The following PSMC4 variants were observed in gnomAD, a reference collection of about 807,000 sequenced individuals.
The protein encoded by PSMC4 is 26S proteasome regulatory subunit 6B.
A neutral mutation model predicts 48.4 loss-of-function variants in PSMC4; 13 were observed. The ratio of observed to expected loss-of-function variants is 0.27; its 90% CI spans 0.18 to 0.43. PSMC4 has a LOEUF of 0.43. PSMC4 is among the 20% of genes least tolerant of loss of function. PSMC4 has a pLI of 1.00. For synonymous variants in PSMC4, 202 were observed against 212.3 expected (o/e 0.95, Z 0.42); for missense variants, 262 against 555.9 (o/e 0.47, Z 5.32).
In PSMC4 at chr19:39,972,229, G is replaced by A; in HGVS notation, c.120G>A (p.Leu40=). ...LGPEPEDLED[L]YSRYKKLQQE... ...CTGAGCCTGAGGACCTGGAGGACCT[G>A]TACAGCCGCTACAAGGTACATTCGA... The change falls in exon 2 of 11, where the codon CTG becomes CTA. Residue 40 remains leucine (L), a synonymous_variant. Transcript: ENST00000157812. 6.2e-7 allele frequency: 1 copy of A among 1,613,914 alleles called. No individual in the cohort carries two copies. Among genetic ancestry groups the A allele is most frequent in the Non-Finnish European group, 8.5e-7 (1 of 1,179,956 alleles).
At chr19:39,978,118 T>C (rs1238117865) in intron 6 of PSMC4, among the ~76,000 whole-genome samples, 1 of 152,192 alleles carries the variant, frequency 6.6e-6, no homozygotes, top group African/African-American at 2.4e-5. Flanking sequence ...AGCCTTTTTT[T>C]CCTCTTGTTT....
Position 39,980,680 on chromosome 19 carries a change from A to C in PSMC4, c.1106A>C (p.Lys369Thr), listed in dbSNP as rs777406855. ...DLEDYVARPD[K>T]ISGADINSIC... ...GCTGCAGATGTGGCCCGGCCAGATA[A>C]GATTTCAGGAGCTGATATTAACTCC... Residue 369 changes from lysine (K) to threonine (T), a missense_variant, in exon 10 of 11, where the codon AAG (lysine) becomes ACG (threonine). Physicochemically the swap from Lys to Thr is moderately conservative, Grantham distance 78 (BLOSUM62 -1). This residue lies in a region of PSMC4 where 84 missense variants were observed against 157.8 expected (regional missense o/e 0.53). Transcript: ENST00000157812. This position sits in a 1 kb window ranked among gnomAD's most constrained non-coding sequence, Gnocchi z 4.8. 3.1e-6 allele frequency: 5 copies of C among 1,614,046 alleles called. No homozygotes were observed. Among genetic ancestry groups the C allele is most frequent in the Non-Finnish European group, 4.2e-6 (5 of 1,179,990 alleles).
chr19:39,979,812 A>G lies in PSMC4; in HGVS notation c.674-5A>G. 6.2e-7 allele frequency: 1 copy of G among 1,611,880 alleles called. No homozygotes were observed. Among genetic ancestry groups the G allele is most frequent in the African/African-American group, 1.3e-5 (1 of 74,946 alleles). ...CCCGCCTAACTGTTGTCATCCTGTC[A>G]TCAGCTGCATTCATCCGGGTCGTGG... On this transcript the variant is annotated splice_polypyrimidine_tract_variant and splice_region_variant and intron_variant, in intron 6 of 10. Transcript: ENST00000157812.
chr19:39,980,606 C>T lies in PSMC4; in HGVS notation c.1088-56C>T, dbSNP rs370960680. ...TGACAGAGATGGCCAAAGATGACTT[C>T]CAGCCCCAGGCATTTACCCCATCAC... On this transcript the variant is annotated intron_variant, in intron 9 of 10. Coordinates refer to ENST00000157812, the MANE Select transcript of PSMC4 (RefSeq NM_006503.4). The surrounding 1 kb of genome is among the most constrained non-coding windows in gnomAD (Gnocchi z 4.8). The T allele has an allele frequency of 6.2e-7, 1 of 1,602,660 alleles. No individual in the cohort carries two copies. Among genetic ancestry groups the T allele is most frequent in the African/African-American group, 1.3e-5 (1 of 74,610 alleles).
rs760882289 is a variant in PSMC4, at chr19:39,974,349, C to G, written c.378C>G (p.Pro126=). ...LSTIDRELLK[P]NASVALHKHS... ...CCATCGATCGGGAGCTGCTCAAGCC[C>G]AACGCCTCAGTGGCCCTCCACAAGC... is the stretch of plus-strand genomic sequence containing the variant. The change falls in exon 4 of 11, where the codon CCC becomes CCG. Residue 126 remains proline, a synonymous_variant. Coordinates refer to ENST00000157812, the MANE Select transcript of PSMC4 (RefSeq NM_006503.4). This position sits in a 1 kb window ranked among gnomAD's most constrained non-coding sequence, Gnocchi z 5.5. 22 of 1,614,048 alleles carry G rather than the reference C, an allele frequency of 1.4e-5. No individual in the cohort carries two copies. The highest frequency in any genetic ancestry group is 4.5e-5 in the East Asian group (2 of 44,888).
At chr19:39,977,573 G>C (rs1341770474) in intron 6 of PSMC4, among the ~76,000 whole-genome samples, 1 of 152,082 alleles carries the variant, frequency 6.6e-6, no homozygotes, top group Non-Finnish European at 1.5e-5. Context: ...TATAATCTCA[G>C]CACTTCAGGA....
At position 39,980,514 on chromosome 19, in the gene PSMC4, C is replaced by T. The variant is rs1452780732; in HGVS notation, c.1087+60C>T. 1 of 1,601,238 alleles carries T rather than the reference C, an allele frequency of 6.2e-7. No individual in the cohort carries two copies. Among genetic ancestry groups the T allele is most frequent in the Non-Finnish European group, 8.5e-7 (1 of 1,169,810 alleles). ...TTGGGAACGGGGATTAGATCTTCAG[C>T]TCAACTTCTGCCAGCACCACAGCCC... is the stretch of plus-strand genomic sequence containing the variant. On this transcript the variant is annotated intron_variant, in intron 9 of 10. Coordinates refer to ENST00000157812, the MANE Select transcript of PSMC4 (RefSeq NM_006503.4). The surrounding 1 kb of genome is among the most constrained non-coding windows in gnomAD (Gnocchi z 4.8).
At position 39,980,303 on chromosome 19, in the gene PSMC4, CAG is replaced by C; in HGVS notation, c.939_940del (p.Arg313SerfsTer17). ...AATGTCAGGTAATCATGGCCACAAA[CAG>C]AGCAGACACCCTGGATCCGGCCCTG... is the stretch of plus-strand genomic sequence containing the variant. ...VNVKVIMATNRADTLDPALLR... is the reference protein window; with the variant it reads ...VNVKVIMATNXADTLDPALLR... On this transcript the variant is annotated frameshift_variant, in exon 9 of 11. Coordinates refer to ENST00000157812, the MANE Select transcript of PSMC4 (RefSeq NM_006503.4). LOFTEE classifies it high-confidence loss of function. This position sits in a 1 kb window ranked among gnomAD's most constrained non-coding sequence, Gnocchi z 4.8. The C allele has an allele frequency of 6.2e-7, 1 of 1,613,990 alleles. No homozygotes were observed. The highest frequency in any genetic ancestry group is 8.5e-7 in the Non-Finnish European group (1 of 1,180,004).
In PSMC4 at chr19:39,980,952, C is replaced by T. The variant is rs1486880216; in HGVS notation, c.1143+235C>T. ...GGAGTGCAGTGGGGCAATCATGACT[C>T]ACTGCAGTGATCCTCCCACCTCAGC... On this transcript the variant is annotated intron_variant, in intron 10 of 10. Transcript: ENST00000157812. This position sits in a 1 kb window ranked among gnomAD's most constrained non-coding sequence, Gnocchi z 4.8. Among the ~76,000 whole-genome samples, 2 of 152,010 alleles carry T rather than the reference C, an allele frequency of 1.3e-5. No homozygotes were observed. The highest frequency in any genetic ancestry group is 4.8e-5 in the African/African-American group (2 of 41,382).
rs1341005677 is a variant in PSMC4, at chr19:39,972,399, G to A, written c.166G>A (p.Val56Met). The change falls in exon 3 of 11, where the codon GTG (valine) becomes ATG (methionine). Residue 56 changes from valine (V) to methionine (M), a missense_variant. By Grantham distance (21) the Val-to-Met change is conservative. This residue lies in a region of PSMC4 where 131 missense variants were observed against 276.7 expected (regional missense o/e 0.47). Transcript: ENST00000157812. ...KLQQELEFLE[V>M]QEEYIKDEQK... ...GCAGCAAGAGCTGGAGTTCCTGGAG[G>A]TGCAGGAGGAATACATCAAAGATGA... The A allele has an allele frequency of 1.2e-6, 2 of 1,614,170 alleles. No individual in the cohort carries two copies. The highest frequency in any genetic ancestry group is 1.7e-6 in the Non-Finnish European group (2 of 1,180,028).
At chr19:39,972,071 C>A in intron 1 of PSMC4, 75 bp from the exon 2 acceptor site, 2 of 1,384,844 alleles carry the variant, frequency 1.4e-6, no homozygotes, top group Non-Finnish European at 2.0e-6. Context: ...GGGAGGGGAA[C>A]AAACATTAGT....
At position 39,972,184 on chromosome 19, in the gene PSMC4, C is replaced by G. The variant is rs763856578; in HGVS notation, c.75C>G (p.Thr25=). 4 of 1,613,986 alleles carry G rather than the reference C, an allele frequency of 2.5e-6. No homozygotes were observed. In the South Asian group the frequency reaches 4.4e-5, roughly 18 times the overall value. The change falls in exon 2 of 11, where the codon ACC becomes ACG. Residue 25 remains threonine, a synonymous_variant. Coordinates refer to ENST00000157812, the MANE Select transcript of PSMC4 (RefSeq NM_006503.4). ...CACTGTCCGTGTCCCGGCCCCAGAC[C>G]GGCCTGTCCTTCCTGGGCCCTGAGC... The part of the protein sequence containing the change: ...IPALSVSRPQ[T]GLSFLGPEPE...
intron 2 of PSMC4, 39 bp from the exon 3 acceptor site, chr19:39,972,330 G>T: frequency 6.2e-7 from 1 of 1,611,974 alleles, no homozygotes; most frequent in East Asian, 2.2e-5. Context: ...GGATCAGCAA[G>T]TCTGGAGCCA....
rs550434366 is a variant in PSMC4, at chr19:39,971,182, A to C, written c.-21A>C. 4 of 1,613,860 alleles carry C rather than the reference A, an allele frequency of 2.5e-6. No homozygotes were observed. In the Admixed American group the frequency reaches 6.7e-5, roughly 27 times the overall value. On this transcript the variant is annotated 5_prime_UTR_variant, in exon 1 of 11. Coordinates refer to ENST00000157812, the MANE Select transcript of PSMC4 (RefSeq NM_006503.4). ...GCGGTGACAGATCATCCCAGGCCAC[A>C]CAGAGGCCGGCTTGGTCACTATGGA...
At chr19:39,975,362 TC>T (rs2144614307) in intron 6 of PSMC4, among the ~76,000 whole-genome samples, 1 of 140,832 alleles carries the variant, frequency 7.1e-6, no homozygotes, top group East Asian at 2.0e-4. Context: ...CAAGGGATCC[TC>T]CCACAGTGCT....
Position 39,980,625 on chromosome 19 carries a change from C to A in PSMC4, c.1088-37C>A, listed in dbSNP as rs1971273719. On this transcript the variant is annotated intron_variant, in intron 9 of 10. Transcript: ENST00000157812. The surrounding 1 kb of genome is among the most constrained non-coding windows in gnomAD (Gnocchi z 4.8). ...TGACTTCCAGCCCCAGGCATTTACC[C>A]CATCACACAGGGAATAGTTTCCTTA... is the stretch of plus-strand genomic sequence containing the variant. 1 of 1,610,696 alleles carries A rather than the reference C, an allele frequency of 6.2e-7. No homozygotes were observed. Among genetic ancestry groups the A allele is most frequent in the Non-Finnish European group, 8.5e-7 (1 of 1,177,126 alleles).
intron 6 of PSMC4, among the ~76,000 whole-genome samples, chr19:39,976,366 C>T (rs1190171691): frequency 3.3e-5 from 4 of 121,222 alleles, no homozygotes; most frequent in African/African-American, 1.3e-4. Context: ...GGCGCCACTG[C>T]ACTTCAGCCT....
In PSMC4 at chr19:39,980,228, C is replaced by G. The variant is rs553318393; in HGVS notation, c.919-58C>G. 4.3e-6 allele frequency: 7 copies of G among 1,613,266 alleles called. No individual in the cohort carries two copies. In the African/African-American group the frequency reaches 9.4e-5, roughly 22 times the overall value. On this transcript the variant is annotated intron_variant, in intron 8 of 10. Coordinates refer to ENST00000157812, the MANE Select transcript of PSMC4 (RefSeq NM_006503.4). This position sits in a 1 kb window ranked among gnomAD's most constrained non-coding sequence, Gnocchi z 4.8. ...GGGCTGGCACCTAAGGGGTGGTTAT[C>G]GTGACAGGAAGGAGGTAGGAGTGCA...
chr19:39,977,695 G>A (rs1022051602), intron 6 of PSMC4, among the ~76,000 whole-genome samples: 11 of 151,940 alleles, frequency 7.2e-5, no homozygotes, highest in African/African-American at 2.4e-4. Flanking sequence ...GGTGGTGGGC[G>A]CCTGTAATCC....
Sources: gnomAD v4.1 joint callset for allele counts (sites outside exome capture counted in the v4.1 genomes callset) on GRCh38, gnomAD v4.1.1 for gene constraint, gnomAD v4.1.1 regional missense constraint, Gnocchi (gnomAD v3.1) non-coding constraint, MANE v1.5 for transcripts, NCBI Gene and HGNC (gene_info 2026-07-23, HGNC 2026-07-21) for gene names.